Variants in AIMP2 observed in about 807,000 individuals in gnomAD.
AIMP2 encodes aminoacyl tRNA synthase complex-interacting multifunctional protein 2.
AIMP2 carries 20 observed loss-of-function variants against 23.4 expected under a neutral mutation model. That is an observed-to-expected ratio of 0.85 (90% CI 0.60 to 1.24). AIMP2 has a LOEUF of 1.24. Ranked by LOEUF, AIMP2 falls within the 50% of genes most tolerant of loss-of-function variation. The probability of loss-of-function intolerance (pLI) is 0.00; values close to 1 mark genes in which losing one functional copy is unlikely to be tolerated. For missense variants in AIMP2, 515 were observed against 414.5 expected (o/e 1.24, Z -2.10); for synonymous variants, 210 against 170.4 (o/e 1.23, Z -1.81).
rs373500234 is a variant in AIMP2 at position 6,017,763 on chromosome 7, G to A, written c.343-51G>A. 17 of 1,531,406 alleles carry A rather than the reference G, an allele frequency of 1.1e-5. No homozygotes were observed. In the South Asian group the frequency reaches 1.7e-4, roughly 15 times the overall value. The allele number at this position is 1,531,406 out of a possible 1,614,324, so 94.9% of individuals were successfully genotyped here. A position where few individuals can be genotyped will look rare whatever the true frequency, so the allele number is the denominator to read the frequency against. ...GGTTCTTAGACTCGCGCCCGGCACA[G>A]TGGCACTCTCCGATGACTGTTATTC... On this transcript the variant is annotated intron_variant, in intron 2 of 3. Transcript: ENST00000223029.
In AIMP2 at chr7:6,023,553, C is replaced by G. The variant is rs368295654; in HGVS notation, c.825C>G (p.Thr275=). ...KSPWLAGNEL[T]VADVVLWSVL... is the part of the protein sequence containing the mutation. ...CTTGGCTCGCTGGGAATGAACTCACCGTAGCAGACGTGGTGCTGTGGTCTG... is the reference window on the plus strand; with the variant it reads ...CTTGGCTCGCTGGGAATGAACTCACGGTAGCAGACGTGGTGCTGTGGTCTG... The change falls in exon 4 of 4, where the codon ACC becomes ACG. Residue 275 remains threonine (T), a synonymous_variant. Coordinates refer to ENST00000223029, the MANE Select transcript of AIMP2 (RefSeq NM_006303.4). 1 of 1,614,096 alleles carries G rather than the reference C, an allele frequency of 6.2e-7. No homozygotes were observed. The highest frequency in any genetic ancestry group is 1.3e-5 in the African/African-American group (1 of 74,932).
intron 2 of AIMP2, among the ~76,000 whole-genome samples, 173 bp from the exon 3 acceptor site, chr7:6,017,641 G>A (rs1056046603): frequency 7.2e-5 from 11 of 152,154 alleles, no homozygotes; most frequent in Middle Eastern, 3.2e-3. Flanking sequence ...ACTCCGTCCT[G>A]AGCGAGTGAC....
intron 1 of AIMP2, chr7:6,014,921 T>G: frequency 2.4e-6 from 2 of 832,160 alleles, no homozygotes; most frequent in Non-Finnish European, 3.4e-6. Context: ...GGTTTCACCA[T>G]GTTGGCCAGG....
intron 3 of AIMP2, among the ~76,000 whole-genome samples, chr7:6,019,533 C>T (rs1483297060): frequency 4.0e-5 from 6 of 150,804 alleles, no homozygotes; most frequent in East Asian, 1.9e-4. Flanking sequence ...GGCTATTTTT[C>T]CATCGTGCAT....
intron 1 of AIMP2, among the ~76,000 whole-genome samples, chr7:6,009,974 A>AAAAAAATATACATATATATAT: frequency 7.5e-5 from 2 of 26,662 alleles, no homozygotes; most frequent in African/African-American, 2.8e-4. Context: ...AAAAAAAAAA[A>AAAAAAATATACATATATATAT]ATATATATAT....
At position 6,023,116 on chromosome 7, in the gene AIMP2, T is replaced by G. The variant is rs117711570; in HGVS notation, c.575-187T>G. On this transcript the variant is annotated intron_variant, in intron 3 of 3. Coordinates refer to ENST00000223029, the MANE Select transcript of AIMP2 (RefSeq NM_006303.4). ...CTCTTTGGTTACTTTTTTAACATAG[T>G]TTGCACTTAAACCCTTTTCAGTAGT... The G allele has an allele frequency of 0.017, 11,020 of 647,186 alleles. 147 individuals carry two copies. The highest frequency in any genetic ancestry group is 0.021 in the Non-Finnish European group (8,348 of 398,664). 40.1% of individuals were successfully genotyped at this position (647,186 alleles called of 1,614,324 possible).
chr7:6,012,618 C>T (rs1302999119), intron 1 of AIMP2: 14 of 272,692 alleles, frequency 5.1e-5, no homozygotes, highest in Non-Finnish European at 8.9e-5. Context: ...AGTGCAATGT[C>T]GCAATCTCAG....
chr7:6,010,745 G>C (rs574176127), intron 1 of AIMP2, among the ~76,000 whole-genome samples: 1 of 151,608 alleles, frequency 6.6e-6, no homozygotes, highest in South Asian at 2.1e-4. Context: ...CACCGTGCCC[G>C]GCCCCTAAAC....
chr7:6,012,569 TG>T, intron 1 of AIMP2: 1 of 195,768 alleles, frequency 5.1e-6, no homozygotes, highest in Non-Finnish European at 1.1e-5. Context: ...AGGTTTTTTT[TG>T]TTTTTGAGAC....
intron 3 of AIMP2, 104 bp downstream of exon 3, chr7:6,018,149 T>TC (rs769379889): frequency 9.4e-4 from 249 of 263,782 alleles, no homozygotes; most frequent in Admixed American, 4.9e-3. Flanking sequence ...TCTTTTTCTT[T>TC]TTTTTTTTTT....
chr7:6,021,358 A>G (rs866031210), intron 3 of AIMP2, among the ~76,000 whole-genome samples: 12 of 151,514 alleles, frequency 7.9e-5, no homozygotes, highest in African/African-American at 2.2e-4. Context: ...AAAAAAAAAA[A>G]AGAGAACCCT....
chr7:6,013,552 C>T (rs573113306), intron 1 of AIMP2, among the ~76,000 whole-genome samples: 11 of 152,222 alleles, frequency 7.2e-5, no homozygotes, highest in African/African-American at 1.9e-4. Context: ...TCAGTCAGCG[C>T]GCCCAGCCTT....
At chr7:6,020,415 C>A (rs573540012) in intron 3 of AIMP2, among the ~76,000 whole-genome samples, 3 of 151,604 alleles carry the variant, frequency 2.0e-5, no homozygotes, top group Non-Finnish European at 4.4e-5. Context: ...AGCCAGACTC[C>A]GTCTCAAAAA....
At chr7:6,013,059 C>A in intron 1 of AIMP2, 1 of 815,058 alleles carries the variant, frequency 1.2e-6, no homozygotes, top group Non-Finnish European at 1.5e-6. Flanking sequence ...ATGTGAAGAT[C>A]TGTGGTCAGA....
intron 1 of AIMP2, among the ~76,000 whole-genome samples, chr7:6,013,365 G>A (rs774530100): frequency 2.7e-5 from 4 of 148,188 alleles, no homozygotes; most frequent in South Asian, 2.1e-4. Flanking sequence ...GGGTTCAAGC[G>A]ATTCTCCTGC....
intron 1 of AIMP2, chr7:6,012,797 C>T (rs1986625): frequency 0.15 from 149,688 of 1,014,918 alleles, 11,650 homozygotes; most frequent in African/African-American, 0.24. Context: ...AGTGATCCAC[C>T]CGCCTCGCCC....
At position 6,014,908 on chromosome 7, in the gene AIMP2, C is replaced by T. The variant is rs910118737; in HGVS notation, c.136-238C>T. On this transcript the variant is annotated intron_variant, in intron 1 of 3. Transcript: ENST00000223029. ...CTAATTTTTGTATTTCTAGTAGAGA[C>T]GGGGTTTCACCATGTTGGCCAGGCT... 23 of 647,220 alleles carry T rather than the reference C, an allele frequency of 3.6e-5. 1 individual carries two copies. The highest frequency in any genetic ancestry group is 5.1e-5 in the East Asian group (1 of 19,478). 40.1% of individuals were successfully genotyped at this position (647,220 alleles called of 1,614,324 possible).
chr7:6,022,629 A>G (rs530597118), intron 3 of AIMP2: 7 of 152,376 alleles, frequency 4.6e-5, no homozygotes, highest in African/African-American at 1.4e-4. Flanking sequence ...GAAGCAACGC[A>G]AAGATGCCCT....
chr7:6,019,774 A>G (rs963485301), intron 3 of AIMP2, among the ~76,000 whole-genome samples: 8 of 152,264 alleles, frequency 5.3e-5, no homozygotes, highest in Non-Finnish European at 8.8e-5. Context: ...CTGTAATCCC[A>G]GAACTTTGGG....
Sources: allele counts gnomAD v4.1 joint callset (sites outside exome capture counted in the v4.1 genomes callset), GRCh38; gene constraint gnomAD v4.1.1; transcripts MANE v1.5; gene names NCBI Gene and HGNC (gene_info 2026-07-23, HGNC 2026-07-21).